Variants in CEP128 observed in about 807,000 individuals in gnomAD.
The protein encoded by CEP128 is centrosomal protein 128, also known as centrosomal protein 128kDa.
Under a neutral mutation model 156.7 loss-of-function variants are expected in CEP128, and 132 were observed. The ratio of observed to expected loss-of-function variants is 0.84; its 90% CI spans 0.73 to 0.97. The LOEUF is 0.97. CEP128 is among the 50% of genes least tolerant of loss of function. The pLI is 0.00. For synonymous variants in CEP128, 469 were observed against 448.9 expected (o/e 1.04, Z -0.57); for missense variants, 1,252 against 1,281.9 (o/e 0.98, Z 0.36).
chr14:80,577,535 T>C (rs1041752050), intron 20 of CEP128, among the ~76,000 whole-genome samples: 1 of 152,112 alleles, frequency 6.6e-6, no homozygotes, highest in East Asian at 1.9e-4. Context: ...GACTTTATAT[T>C]CTAAAACATA....
chr14:80,688,669 C>A (rs1436347485), intron 19 of CEP128, among the ~76,000 whole-genome samples: 1 of 152,182 alleles, frequency 6.6e-6, no homozygotes, highest in African/African-American at 2.4e-5. Context: ...TTGATGCCAG[C>A]TGTTTCAAAA....
intron 19 of CEP128, among the ~76,000 whole-genome samples, chr14:80,671,794 C>T (rs1895852182): frequency 6.9e-6 from 1 of 143,886 alleles, no homozygotes; most frequent in Middle Eastern, 3.4e-3. Flanking sequence ...GTTTACTGTT[C>T]ACAATTCACT....
chr14:80,862,042 A>C (rs1037898155), intron 9 of CEP128, among the ~76,000 whole-genome samples: 3 of 152,220 alleles, frequency 2.0e-5, no homozygotes, highest in African/African-American at 7.2e-5. Flanking sequence ...TCTTCATTCT[A>C]AATTTTCAAC....
chr14:80,528,088 G>T (rs2140268799), intron 22 of CEP128, among the ~76,000 whole-genome samples: 1 of 151,520 alleles, frequency 6.6e-6, no homozygotes, highest in Non-Finnish European at 1.5e-5. Context: ...AGCTAGAAGG[G>T]GTATTATAAT....
At chr14:80,487,570 T>C (rs900004678), downstream of CEP128, among the ~76,000 whole-genome samples, 4 of 152,110 alleles carry the variant, frequency 2.6e-5, no homozygotes, top group African/African-American at 7.2e-5. Context: ...CAACAGAATA[T>C]ACATTCTTTT....
chr14:80,508,113 G>A (rs1363267007), intron 23 of CEP128, among the ~76,000 whole-genome samples: 3 of 151,836 alleles, frequency 2.0e-5, no homozygotes, highest in Non-Finnish European at 2.9e-5. Flanking sequence ...ACAGGGTTTC[G>A]CCACGTTGAC....
At chr14:80,787,480 T>C (rs1901472087) in intron 14 of CEP128, among the ~76,000 whole-genome samples, 1 of 152,134 alleles carries the variant, frequency 6.6e-6, no homozygotes, top group African/African-American at 2.4e-5. Flanking sequence ...AAACCTTCTA[T>C]TGAGGGCTCA....
chr14:80,686,629 T>C (rs1896533232), intron 19 of CEP128, among the ~76,000 whole-genome samples: 1 of 152,002 alleles, frequency 6.6e-6, no homozygotes, highest in Non-Finnish European at 1.5e-5. Flanking sequence ...GACACAGAAT[T>C]GCAAGCTGGA....
intron 8 of CEP128, among the ~76,000 whole-genome samples, chr14:80,875,877 C>A (rs987068654): frequency 3.9e-5 from 6 of 151,944 alleles, no homozygotes; most frequent in African/African-American, 1.5e-4. Flanking sequence ...AAGGGTAAAC[C>A]TAAATAAACC....
intron 14 of CEP128, among the ~76,000 whole-genome samples, chr14:80,481,739 C>T (rs1424836688): frequency 2.0e-5 from 3 of 152,236 alleles, no homozygotes; most frequent in Non-Finnish European, 4.4e-5. Context: ...CTGGACCTAA[C>T]ACTAATCCCC....
chr14:80,819,239 CTTT>C (rs1187431254), intron 13 of CEP128, among the ~76,000 whole-genome samples: 3,621 of 82,192 alleles, frequency 0.044, 30 homozygotes, highest in Middle Eastern at 0.071. Context: ...TGGCATCTTC[CTTT>C]TTTTTTTTTT....
intron 19 of CEP128, among the ~76,000 whole-genome samples, chr14:80,740,475 C>T (rs577098829): frequency 2.0e-5 from 3 of 146,680 alleles, no homozygotes; most frequent in Non-Finnish European, 3.0e-5. Flanking sequence ...CACACACACA[C>T]ACAGATTCAT....
intron 20 of CEP128, among the ~76,000 whole-genome samples, chr14:80,560,382 GC>G (rs1890619897): frequency 6.6e-6 from 1 of 150,550 alleles, no homozygotes. Flanking sequence ...CTGAGATCAA[GC>G]CACTGCACTC....
Position 80,627,703 on chromosome 14 carries a change from A to G in CEP128, c.2807-47280T>C, listed in dbSNP as rs1893788487. Among the ~76,000 whole-genome samples the G allele has an allele frequency of 2.0e-5, 3 of 151,672 alleles. 1 individual carries two copies. The South Asian group carries it at 6.2e-4, about 31-fold the overall frequency. The stretch of plus-strand genomic sequence containing the variant: ...ATTAAAATACTCAGAAAAGCAATTT[A>G]GAAAGTCCATTTTTATTTTTAATTA... On this transcript the variant is annotated intron_variant, in intron 19 of 24. Transcript: ENST00000555265.
chr14:80,758,522 CAAA>C (rs56253131), intron 17 of CEP128, among the ~76,000 whole-genome samples: 13 of 115,400 alleles, frequency 1.1e-4, no homozygotes, highest in Admixed American at 1.7e-4. Flanking sequence ...GACTTTGTCT[CAAA>C]AAAAAAAAAA....
chr14:80,718,033 T>C (rs1897675089), intron 19 of CEP128, among the ~76,000 whole-genome samples: 1 of 152,140 alleles, frequency 6.6e-6, no homozygotes, highest in Non-Finnish European at 1.5e-5. Context: ...ATATATGTTT[T>C]GTTTGTTTGT....
At chr14:80,557,073 T>A (rs1890467004) in intron 21 of CEP128, among the ~76,000 whole-genome samples, 1 of 152,216 alleles carries the variant, frequency 6.6e-6, no homozygotes, top group Non-Finnish European at 1.5e-5. Flanking sequence ...TCTAGTCCTT[T>A]AATCAATTTT....
chr14:80,736,270 A>C (rs997741691), intron 19 of CEP128, among the ~76,000 whole-genome samples: 1 of 150,824 alleles, frequency 6.6e-6, no homozygotes, highest in African/African-American at 2.4e-5. Context: ...AAAAAAAAAA[A>C]CACAGCAAAT....
intron 8 of CEP128, among the ~76,000 whole-genome samples, chr14:80,865,439 A>G (rs1408250681): frequency 6.6e-6 from 1 of 152,104 alleles, no homozygotes; most frequent in African/African-American, 2.4e-5. Context: ...TTTCCTTTGG[A>G]TATGTATCCA....
Sources: allele counts gnomAD v4.1 joint callset (sites outside exome capture counted in the v4.1 genomes callset), GRCh38; gene constraint gnomAD v4.1.1; transcripts MANE v1.5; gene names NCBI Gene and HGNC (gene_info 2026-07-23, HGNC 2026-07-21).